Variants in FMC1 observed in about 807,000 individuals in gnomAD.
FMC1 encodes the protein protein FMC1 homolog.
FMC1 carries 6 observed loss-of-function variants against 10.5 expected under a neutral mutation model. The observed-to-expected ratio is 0.57, with a 90% CI of 0.31 to 1.12. The LOEUF is 1.12. Ranked by LOEUF, FMC1 falls within the 50% of genes most tolerant of loss-of-function variation. The probability of loss-of-function intolerance (pLI) is 0.05; values close to 1 mark genes in which losing one functional copy is unlikely to be tolerated. For synonymous variants in FMC1, 59 were observed against 62.1 expected (o/e 0.95, Z 0.24); for missense variants, 146 against 151.7 (o/e 0.96, Z 0.20).
Position 139,341,460 on chromosome 7 carries a change from G to C in FMC1, c.76G>C (p.Gly26Arg). 6.2e-7 allele frequency: 1 copy of C among 1,613,696 alleles called. No individual in the cohort carries two copies. The highest frequency in any genetic ancestry group is 8.5e-7 in the Non-Finnish European group (1 of 1,180,020). Reference sequence around the variant, plus strand: ...GTTGCGCTACCTGAGCGCGGCCACCGGCCGACCCTATCGCGACACCGCGGC... The same window carrying C: ...GTTGCGCTACCTGAGCGCGGCCACCCGCCGACCCTATCGCGACACCGCGGC... ...RELRYLSAAT[G>R]RPYRDTAAYR... The change falls in exon 1 of 2, where the codon GGC (glycine) becomes CGC (arginine). Residue 26 changes from glycine (G) to arginine (R), a missense_variant. Coordinates refer to ENST00000297534, the MANE Select transcript of FMC1 (RefSeq NM_197964.5).
upstream of FMC1, chr7:139,340,705 A>G (rs1585051359): frequency 2.6e-6 from 1 of 391,080 alleles, no homozygotes; most frequent in Non-Finnish European, 4.5e-6. Flanking sequence ...CAGAAGCCCC[A>G]GTGGCCTAAT....
At chr7:139,341,274 T>C (rs945811329), upstream of FMC1, 3 of 1,481,816 alleles carry the variant, frequency 2.0e-6, no homozygotes, top group Non-Finnish European at 9.0e-7. Context: ...CGTCAGTCGA[T>C]AGGGGGAGTC....
At chr7:139,340,762 C>T (rs543345068), upstream of FMC1, 2 of 373,902 alleles carry the variant, frequency 5.3e-6, no homozygotes, top group African/African-American at 2.1e-5. Context: ...GTTCGAGTCC[C>T]ATCTGGGGTG....
At position 139,345,583 on chromosome 7, in the gene FMC1, G is replaced by A. The variant is rs1249831589; in HGVS notation, c.221G>A (p.Arg74Gln). 10 of 1,613,952 alleles carry A rather than the reference G, an allele frequency of 6.2e-6. No individual in the cohort carries two copies. Among genetic ancestry groups the A allele is most frequent in the South Asian group, 3.3e-5 (3 of 91,080 alleles). The change falls in exon 2 of 2, where the codon CGG becomes CAG. Residue 74 changes from arginine (R) to glutamine (Q), a missense_variant. Physicochemically the swap from Arg to Gln is conservative, Grantham distance 43. Transcript: ENST00000297534. Reference sequence around the variant, plus strand: ...TATCTCTGCCTCCTGCGTAGCATCCGGAAACATGTGGCCCTACATCAGGAA... The same window carrying A: ...TATCTCTGCCTCCTGCGTAGCATCCAGAAACATGTGGCCCTACATCAGGAA... ...ATYLCLLRSI[R>Q]KHVALHQEFH... is the part of the protein sequence containing the mutation.
chr7:139,341,337 A>G lies in FMC1; in HGVS notation c.-48A>G. ...CGCCTGGGCCGGAGGAGGGGTTTTC[A>G]GGGTCGTAGGACGCCGTTGGGCACC... On this transcript the variant is annotated 5_prime_UTR_variant, in exon 1 of 2. Transcript: ENST00000297534. 1 of 1,573,882 alleles carries G rather than the reference A, an allele frequency of 6.4e-7. No homozygotes were observed. Among genetic ancestry groups the G allele is most frequent in the South Asian group, 1.1e-5 (1 of 89,188 alleles).
chr7:139,345,631 C>T lies in FMC1; in HGVS notation c.269C>T (p.Ser90Leu), dbSNP rs148777611. The T allele has an allele frequency of 8.9e-5, 144 of 1,613,982 alleles. No homozygotes were observed. The highest frequency in any genetic ancestry group is 5.3e-4 in the East Asian group (24 of 44,888). ...HQEFHGKGERSVEESAGLVGL... is the reference protein window; with the variant it reads ...HQEFHGKGERLVEESAGLVGL... ...GAATTTCATGGCAAGGGTGAGCGCT[C>T]GGTGGAGGAGTCTGCTGGCTTGGTG... The change falls in exon 2 of 2, where the codon TCG becomes TTG. Residue 90 changes from serine to leucine, a missense_variant. By Grantham distance (145) the Ser-to-Leu change is moderately radical (BLOSUM62 -2). Transcript: ENST00000297534.
In FMC1 at chr7:139,346,095, G is replaced by C. The variant is rs947088280; in HGVS notation, c.*391G>C. The C allele has an allele frequency of 6.3e-6, 1 of 157,704 alleles. No individual in the cohort carries two copies. Among genetic ancestry groups the C allele is most frequent in the Non-Finnish European group, 1.4e-5 (1 of 71,814 alleles). 9.8% of individuals were successfully genotyped at this position (157,704 alleles called of 1,614,324 possible). A position where few individuals can be genotyped will look rare whatever the true frequency, so the allele number is the denominator to read the frequency against. On this transcript the variant is annotated 3_prime_UTR_variant, in exon 2 of 2. Coordinates refer to ENST00000297534, the MANE Select transcript of FMC1 (RefSeq NM_197964.5). ...TCTACTAAAAATACAAAATTAGCCA[G>C]GCGTGGTGGCACATGCCTGTAATCC...
At chr7:139,340,680 T>C (rs578068936), upstream of FMC1, 29 of 394,628 alleles carry the variant, frequency 7.3e-5, no homozygotes, top group East Asian at 1.8e-4. Flanking sequence ...ATATGTTGTG[T>C]GAGCGCGTCG....
At chr7:139,343,393 G>A (rs1223181177) in intron 1 of FMC1, among the ~76,000 whole-genome samples, 1 of 152,216 alleles carries the variant, frequency 6.6e-6, no homozygotes, top group African/African-American at 2.4e-5. Context: ...GGGCAACATA[G>A]TGTAGTGAGA....
Position 139,343,883 on chromosome 7 carries a change from G to A in FMC1, c.139-1618G>A, listed in dbSNP as rs533675483. Among the ~76,000 whole-genome samples, 6 of 142,084 alleles carry A rather than the reference G, an allele frequency of 4.2e-5. 1 individual carries two copies. In the South Asian group the frequency reaches 1.1e-3, roughly 26 times the overall value. The allele number at this position is 142,084 out of a possible 152,430, so 93.2% of individuals were successfully genotyped here. ...TGGGGAGATCAGCAGCCATGTTCAC[G>A]CTATTGCACTCCAGCCTGGGCAACA... On this transcript the variant is annotated intron_variant, in intron 1 of 1. Coordinates refer to ENST00000297534, the MANE Select transcript of FMC1 (RefSeq NM_197964.5).
Position 139,341,411 on chromosome 7 carries a change from C to A in FMC1, c.27C>A (p.His9Gln). The change falls in exon 1 of 2, where the codon CAC becomes CAA. Residue 9 changes from histidine to glutamine, a missense_variant. By Grantham distance (24) the His-to-Gln change is conservative. Transcript: ENST00000297534. The stretch of plus-strand genomic sequence containing the variant: ...TGGCGGCCTTAGGGTCCCCGTCGCA[C>A]ACTTTTCGAGGACTTCTGCGGGAGT... MAALGSPS[H>Q]TFRGLLRELR... 1 of 1,613,474 alleles carries A rather than the reference C, an allele frequency of 6.2e-7. No individual in the cohort carries two copies. Among genetic ancestry groups the A allele is most frequent in the Non-Finnish European group, 8.5e-7 (1 of 1,179,934 alleles).
chr7:139,343,926 C>CAAA (rs1163028006), intron 1 of FMC1, among the ~76,000 whole-genome samples: 15 of 104,870 alleles, frequency 1.4e-4, no homozygotes, highest in African/African-American at 2.0e-4. Flanking sequence ...ACCCTGTCCC[C>CAAA]AAAAAAAAAA....
chr7:139,344,695 CTTTTTTTTTTTTTT>C (rs1026301999), intron 1 of FMC1, among the ~76,000 whole-genome samples: 1 of 116,362 alleles, frequency 8.6e-6, no homozygotes, highest in African/African-American at 3.1e-5. Flanking sequence ...AATTTTCTTT[CTTTTTTTTTTTTTT>C]TTTTTTTTGT....
At chr7:139,341,153 A>G, upstream of FMC1, 1 of 565,368 alleles carries the variant, frequency 1.8e-6, no homozygotes, top group Non-Finnish European at 2.8e-6. Context: ...TCTGGGTTAG[A>G]GGTCCTGGTA....
At chr7:139,342,346 A>G (rs896684760) in intron 1 of FMC1, among the ~76,000 whole-genome samples, 4 of 152,178 alleles carry the variant, frequency 2.6e-5, no homozygotes, top group Admixed American at 6.5e-5. Context: ...CTGAAGGCTA[A>G]TTTGGAGTTA....
chr7:139,342,620 G>A (rs1306629758), intron 1 of FMC1, among the ~76,000 whole-genome samples: 2 of 152,070 alleles, frequency 1.3e-5, no homozygotes, highest in African/African-American at 4.8e-5. Context: ...GCGACACCAC[G>A]CCCGGCTAAT....
chr7:139,341,300 C>G (rs1411990354), upstream of FMC1: 2 of 1,527,156 alleles, frequency 1.3e-6, no homozygotes, highest in African/African-American at 2.7e-5. Context: ...TCTGTCCGAC[C>G]GTACCATTAG....
Position 139,345,717 on chromosome 7 carries a change from T to A in FMC1, c.*13T>A, listed in dbSNP as rs767258742. 1.9e-6 allele frequency: 3 copies of A among 1,611,832 alleles called. No homozygotes were observed. The highest frequency in any genetic ancestry group is 1.7e-6 in the Non-Finnish European group (2 of 1,178,668). Reference sequence around the variant, plus strand: ...CTGGGAGCCATGAACATGGAGAATATCCTTGGATGCTGCATTCATAGGAGA... The same window carrying A: ...CTGGGAGCCATGAACATGGAGAATAACCTTGGATGCTGCATTCATAGGAGA... On this transcript the variant is annotated 3_prime_UTR_variant, in exon 2 of 2. Coordinates refer to ENST00000297534, the MANE Select transcript of FMC1 (RefSeq NM_197964.5).
At chr7:139,345,441 T>C in intron 1 of FMC1, 60 bp from the exon 2 acceptor site, 1 of 1,598,926 alleles carries the variant, frequency 6.3e-7, no homozygotes, top group Non-Finnish European at 8.5e-7. Context: ...TTATTAAATC[T>C]TTCTCTGTGG....
Sources: gnomAD v4.1 joint callset for allele counts (sites outside exome capture counted in the v4.1 genomes callset) on GRCh38, gnomAD v4.1.1 for gene constraint, MANE v1.5 for transcripts, NCBI Gene and HGNC (gene_info 2026-07-23, HGNC 2026-07-21) for gene names.